PPP1R9A: variants seen among roughly 807,000 people sequenced by gnomAD.
PPP1R9A encodes protein phosphatase 1 regulatory subunit 9A.
A neutral mutation model predicts 141.9 loss-of-function variants in PPP1R9A; 59 were observed. That is an observed-to-expected ratio of 0.42 (90% CI 0.34 to 0.52). The LOEUF (loss-of-function observed/expected upper bound fraction) is 0.52. Ranked by LOEUF, PPP1R9A falls within the 20% of genes least tolerant of loss-of-function variation. The probability of loss-of-function intolerance (pLI) is 0.10; values close to 1 mark genes in which losing one functional copy is unlikely to be tolerated. For synonymous variants in PPP1R9A, 500 were observed against 569.7 expected, an observed-to-expected ratio of 0.88 and a Z score of 1.74; for missense variants, 1,444 against 1,611.9, an observed-to-expected ratio of 0.90 and a Z score of 1.78.
At chr7:94,969,838 C>T (rs902668024) in intron 2 of PPP1R9A, among the ~76,000 whole-genome samples, 3 of 152,144 alleles carry the variant, frequency 2.0e-5, no homozygotes, top group Non-Finnish European at 4.4e-5. Context: ...TTTGGAGATG[C>T]CCTGCCCAGA....
Position 95,290,319 on chromosome 7 carries a change from A to G in PPP1R9A, c.*16A>G. The G allele has an allele frequency of 6.3e-7, 1 of 1,594,230 alleles. No individual in the cohort carries two copies. Among genetic ancestry groups the G allele is most frequent in the Middle Eastern group, 1.7e-4 (1 of 5,924 alleles). ...TGAGCAGTAACACATACCCTCTTAC[A>G]GATGATGGAGATGCTCCAAGAGAAG... is the stretch of plus-strand genomic sequence containing the variant. On this transcript the variant is annotated 3_prime_UTR_variant, in exon 20 of 20. Coordinates refer to ENST00000433360, the MANE Select transcript of PPP1R9A (RefSeq NM_001166160.2).
At chr7:95,018,198 T>C (rs1219974435) in intron 2 of PPP1R9A, 5 of 225,618 alleles carry the variant, frequency 2.2e-5, no homozygotes, top group South Asian at 8.4e-5. Context: ...TCCAAGAACA[T>C]GAAGATGAAC....
At chr7:94,977,019 A>G (rs1408363034) in intron 2 of PPP1R9A, among the ~76,000 whole-genome samples, 1 of 152,120 alleles carries the variant, frequency 6.6e-6, no homozygotes, top group Non-Finnish European at 1.5e-5. Context: ...TATGAGAGTA[A>G]AGGATATCAG....
chr7:94,952,806 GT>G (rs143923100), intron 2 of PPP1R9A, among the ~76,000 whole-genome samples: 7 of 150,670 alleles, frequency 4.6e-5, no homozygotes, highest in Non-Finnish European at 5.9e-5. Context: ...GGAGTTGTCT[GT>G]TTTTTTTTCT....
intron 4 of PPP1R9A, among the ~76,000 whole-genome samples, chr7:95,124,277 T>C (rs948772329): frequency 6.6e-6 from 1 of 152,182 alleles, no homozygotes; most frequent in East Asian, 1.9e-4. Flanking sequence ...CTTACTGATA[T>C]AGAAAAATAT....
intron 7 of PPP1R9A, among the ~76,000 whole-genome samples, chr7:95,214,650 T>C (rs1409772738): frequency 6.6e-6 from 1 of 151,224 alleles, no homozygotes; most frequent in Non-Finnish European, 1.5e-5. Context: ...GAAAGCAAGG[T>C]CATTGGGGTC....
At chr7:95,117,351 TA>T (rs558821326) in intron 3 of PPP1R9A, among the ~76,000 whole-genome samples, 21 of 152,240 alleles carry the variant, frequency 1.4e-4, no homozygotes, top group Middle Eastern at 3.4e-3. Flanking sequence ...AAGCTGTATG[TA>T]AATAAGATGC....
intron 12 of PPP1R9A, among the ~76,000 whole-genome samples, chr7:95,260,944 G>C (rs2153031239): frequency 6.6e-6 from 1 of 152,206 alleles, no homozygotes; most frequent in Non-Finnish European, 1.5e-5. Flanking sequence ...TATATGGTCT[G>C]ATTCACCATG....
intron 7 of PPP1R9A, among the ~76,000 whole-genome samples, chr7:95,217,462 C>T (rs373930031): frequency 6.6e-6 from 1 of 151,968 alleles, no homozygotes. Flanking sequence ...CAGGCTTTGG[C>T]ATCAGGATGA....
intron 2 of PPP1R9A, among the ~76,000 whole-genome samples, chr7:95,040,754 C>T (rs931768615): frequency 2.0e-5 from 3 of 152,072 alleles, no homozygotes; most frequent in Non-Finnish European, 4.4e-5. Context: ...ATTGTTTAAT[C>T]TACTCTCGAA....
intron 2 of PPP1R9A, among the ~76,000 whole-genome samples, chr7:95,013,545 T>C (rs1415147941): frequency 6.6e-6 from 1 of 152,134 alleles, no homozygotes; most frequent in Non-Finnish European, 1.5e-5. Flanking sequence ...ATAGATACTT[T>C]TCTGCAAATT....
intron 4 of PPP1R9A, among the ~76,000 whole-genome samples, chr7:95,128,125 C>T (rs936757115): frequency 6.6e-6 from 1 of 152,216 alleles, no homozygotes; most frequent in African/African-American, 2.4e-5. Flanking sequence ...AATTTGTATG[C>T]CCACCAACAG....
intron 4 of PPP1R9A, among the ~76,000 whole-genome samples, chr7:95,126,190 A>G (rs749690506): frequency 6.6e-6 from 1 of 152,156 alleles, no homozygotes; most frequent in Non-Finnish European, 1.5e-5. Flanking sequence ...AAGTACATTA[A>G]TGTTGCTCCA....
At chr7:94,913,818 AG>A (rs1791741542) in intron 2 of PPP1R9A, among the ~76,000 whole-genome samples, 1 of 152,190 alleles carries the variant, frequency 6.6e-6, no homozygotes, top group Non-Finnish European at 1.5e-5. Context: ...TAGCTGAAGA[AG>A]ACACAAAAAT....
chr7:95,127,543 G>A (rs956668461), intron 4 of PPP1R9A, among the ~76,000 whole-genome samples: 1 of 150,062 alleles, frequency 6.7e-6, no homozygotes, highest in Non-Finnish European at 1.5e-5. Context: ...AGATTCAGGA[G>A]GTATATGTGC....
chr7:94,983,164 G>C (rs939282395), intron 2 of PPP1R9A, among the ~76,000 whole-genome samples: 2 of 151,996 alleles, frequency 1.3e-5, no homozygotes, highest in Non-Finnish European at 2.9e-5. Context: ...ATTTCTGAGG[G>C]CTCTGTTCTG....
At chr7:95,121,233 C>A (rs758411190) in intron 4 of PPP1R9A, among the ~76,000 whole-genome samples, 1 of 152,108 alleles carries the variant, frequency 6.6e-6, no homozygotes, top group African/African-American at 2.4e-5. Context: ...AAGTTAGGAA[C>A]TCTAATTCTG....
intron 8 of PPP1R9A, among the ~76,000 whole-genome samples, chr7:95,235,663 G>T (rs1452896113): frequency 6.6e-6 from 1 of 151,832 alleles, no homozygotes; most frequent in Non-Finnish European, 1.5e-5. Context: ...CAGTGGAAAA[G>T]AACTCATTGT....
intron 5 of PPP1R9A, among the ~76,000 whole-genome samples, chr7:95,187,803 T>G (rs1834863691): frequency 6.6e-6 from 1 of 152,028 alleles, no homozygotes; most frequent in Admixed American, 6.5e-5. Context: ...TGCCTGTATT[T>G]GTTTAGTTTT....
Sources: gnomAD v4.1 joint callset for allele counts (sites outside exome capture counted in the v4.1 genomes callset) on GRCh38, gnomAD v4.1.1 for gene constraint, MANE v1.5 for transcripts, NCBI Gene and HGNC (gene_info 2026-07-23, HGNC 2026-07-21) for gene names.